Variants in LHFPL6 observed in about 807,000 individuals in gnomAD.
LHFPL6 encodes the protein LHFPL tetraspan subfamily member 6, also known as LHFPL tetraspan subfamily member 6 protein.
Under a neutral mutation model 20.6 loss-of-function variants are expected in LHFPL6, and 9 were observed. The observed-to-expected ratio is 0.44, with a 90% CI of 0.26 to 0.76. The LOEUF (loss-of-function observed/expected upper bound fraction) is 0.76, where lower values mean the gene tolerates loss of function less well. LHFPL6 is among the 30% of genes least tolerant of loss of function. The pLI is 0.20. For synonymous variants in LHFPL6, 105 were observed against 98.7 expected (o/e 1.06, Z -0.38); for missense variants, 218 against 253.5 (o/e 0.86, Z 0.95).
At chr13:39,353,865 G>C (rs1339720948) in intron 3 of LHFPL6, among the ~76,000 whole-genome samples, 2 of 152,152 alleles carry the variant, frequency 1.3e-5, no homozygotes, top group African/African-American at 4.8e-5. Context: ...GATGTGCCCT[G>C]GGGGTGAGGT....
chr13:39,347,592 A>C (rs1869444040), intron 3 of LHFPL6, among the ~76,000 whole-genome samples: 1 of 151,670 alleles, frequency 6.6e-6, no homozygotes, highest in Non-Finnish European at 1.5e-5. Flanking sequence ...GGTAGGTCTC[A>C]CTGGCACAAT....
intron 2 of LHFPL6, among the ~76,000 whole-genome samples, chr13:39,436,089 T>C (rs1190323046): frequency 1.3e-5 from 2 of 152,004 alleles, no homozygotes; most frequent in African/African-American, 4.8e-5. Context: ...TAAATATCAA[T>C]AGTATAAACC....
At chr13:39,542,625 G>A (rs553429256) in intron 2 of LHFPL6, among the ~76,000 whole-genome samples, 1 of 152,256 alleles carries the variant, frequency 6.6e-6, no homozygotes, top group East Asian at 1.9e-4. Flanking sequence ...CAAACCTCTG[G>A]GAGAATCTTT....
chr13:39,451,681 TCAGC>T (rs1872446675), intron 2 of LHFPL6, among the ~76,000 whole-genome samples: 1 of 152,240 alleles, frequency 6.6e-6, no homozygotes, highest in African/African-American at 2.4e-5. Flanking sequence ...ACATGTCCTA[TCAGC>T]ATATGTCTCT....
chr13:39,470,988 C>T (rs1305142309), intron 2 of LHFPL6, among the ~76,000 whole-genome samples: 6 of 152,126 alleles, frequency 3.9e-5, no homozygotes, highest in African/African-American at 1.4e-4. Flanking sequence ...TTCTAGGCAC[C>T]ATGAACTACA....
chr13:39,558,578 T>C lies in LHFPL6; in HGVS notation c.385+42254A>G, dbSNP rs374398275. ...TCACTTACTTCCTCTGCTTACCAGA[T>C]GACACGATGATGATATCATTTTTAA... On this transcript the variant is annotated intron_variant, in intron 2 of 3. Transcript: ENST00000379589. 6.6e-5 allele frequency among the ~76,000 whole-genome samples: 10 copies of C among 152,316 alleles called. No individual in the cohort carries two copies. The East Asian group carries it at 1.4e-3, about 21-fold the overall frequency.
At chr13:39,502,938 G>T (rs1869344985) in intron 2 of LHFPL6, among the ~76,000 whole-genome samples, 1 of 151,976 alleles carries the variant, frequency 6.6e-6, no homozygotes, top group South Asian at 2.1e-4. Context: ...TGTCACCCAG[G>T]TTTGAGGGCA....
At chr13:39,478,240 A>G (rs1873131793) in intron 2 of LHFPL6, among the ~76,000 whole-genome samples, 1 of 152,102 alleles carries the variant, frequency 6.6e-6, no homozygotes, top group Non-Finnish European at 1.5e-5. Flanking sequence ...ATGACAAGTG[A>G]TATCTAAATA....
At chr13:39,468,778 T>A (rs572952289) in intron 2 of LHFPL6, among the ~76,000 whole-genome samples, 2 of 152,168 alleles carry the variant, frequency 1.3e-5, no homozygotes, top group African/African-American at 4.8e-5. Flanking sequence ...AGTCTTGGAC[T>A]GTTTTTAATG....
At chr13:39,352,989 A>AT (rs368085948) in intron 3 of LHFPL6, among the ~76,000 whole-genome samples, 3,678 of 119,688 alleles carry the variant, frequency 0.031, 510 homozygotes, top group African/African-American at 0.1. Context: ...ATATATATAT[A>AT]ATTTTTTTTT....
intron 2 of LHFPL6, among the ~76,000 whole-genome samples, chr13:39,416,806 A>T (rs1871360589): frequency 6.6e-6 from 1 of 152,168 alleles, no homozygotes; most frequent in Admixed American, 6.5e-5. Flanking sequence ...ATGCAAATCA[A>T]ATTTTCCTCC....
At chr13:39,472,021 C>A (rs187180857) in intron 2 of LHFPL6, among the ~76,000 whole-genome samples, 6 of 152,244 alleles carry the variant, frequency 3.9e-5, no homozygotes, top group African/African-American at 1.4e-4. Context: ...GAAATAAATA[C>A]TCCAGACAGG....
chr13:39,555,399 G>A (rs75165644), intron 2 of LHFPL6, among the ~76,000 whole-genome samples: 3 of 150,792 alleles, frequency 2.0e-5, no homozygotes, highest in Admixed American at 6.6e-5. Flanking sequence ...ATGCGATAGC[G>A]CTTTCTTTTA....
intron 2 of LHFPL6, among the ~76,000 whole-genome samples, chr13:39,598,863 T>C (rs893502949): frequency 2.6e-5 from 4 of 152,178 alleles, no homozygotes; most frequent in Non-Finnish European, 5.9e-5. Flanking sequence ...GGCCAGCTGC[T>C]ACTAACAAAC....
At chr13:39,590,402 T>C (rs778242295) in intron 2 of LHFPL6, among the ~76,000 whole-genome samples, 33 of 152,338 alleles carry the variant, frequency 2.2e-4, no homozygotes, top group Non-Finnish European at 3.7e-4. Flanking sequence ...AACATACTTG[T>C]CCCTAAAACT....
intron 2 of LHFPL6, among the ~76,000 whole-genome samples, chr13:39,458,848 T>A (rs1344038825): frequency 6.6e-6 from 1 of 152,138 alleles, no homozygotes; most frequent in African/African-American, 2.4e-5. Context: ...GCCAATATTA[T>A]TTTGTTGTAA....
intron 2 of LHFPL6, among the ~76,000 whole-genome samples, chr13:39,505,284 G>A (rs539097470): frequency 2.6e-4 from 39 of 152,142 alleles, no homozygotes; most frequent in African/African-American, 6.8e-4. Context: ...GAGCGGAATC[G>A]GAGTAGAAGA....
At chr13:39,359,280 CA>C (rs757377835) in intron 3 of LHFPL6, among the ~76,000 whole-genome samples, 10 of 152,054 alleles carry the variant, frequency 6.6e-5, no homozygotes, top group Non-Finnish European at 1.5e-4. Flanking sequence ...AGGGATTTCT[CA>C]AAGAACTAAG....
At chr13:39,588,162 C>T (rs1446724649) in intron 2 of LHFPL6, among the ~76,000 whole-genome samples, 7 of 152,106 alleles carry the variant, frequency 4.6e-5, no homozygotes, top group Admixed American at 3.9e-4. Context: ...AGCTGATCAC[C>T]GTCTGAGCAA....
Sources: gnomAD v4.1 joint callset for allele counts (sites outside exome capture counted in the v4.1 genomes callset) on GRCh38, gnomAD v4.1.1 for gene constraint, MANE v1.5 for transcripts, NCBI Gene and HGNC (gene_info 2026-07-23, HGNC 2026-07-21) for gene names.